Variants in ARV1 observed in about 807,000 individuals in gnomAD.
ARV1 encodes ARV1 fatty acid homeostasis modulator.
In ARV1, 26 loss-of-function variants were observed where a neutral mutation model predicts 31.1. The observed-to-expected ratio is 0.84, with a 90% CI of 0.61 to 1.16. The LOEUF (loss-of-function observed/expected upper bound fraction) is 1.16. Among genes scored for constraint, ARV1 ranks in the 50% most tolerant of loss-of-function variants. The pLI is 0.00. For synonymous variants in ARV1, 117 were observed against 123.2 expected, an observed-to-expected ratio of 0.95 and a Z score of 0.34; for missense variants, 281 against 324.9, an observed-to-expected ratio of 0.86 and a Z score of 1.04.
intron 1 of ARV1, among the ~76,000 whole-genome samples, chr1:230,980,975 A>G (rs1678896352): frequency 6.6e-6 from 1 of 151,958 alleles, no homozygotes; most frequent in Admixed American, 6.6e-5. Context: ...CACCACTTCC[A>G]CTTTGCTAAA....
chr1:230,979,393 C>G, intron 1 of ARV1, 114 bp downstream of exon 1: 1 of 1,220,056 alleles, frequency 8.2e-7, no homozygotes, highest in Non-Finnish European at 1.2e-6. Flanking sequence ...GACATTCCCG[C>G]CCGGGATCTT....
rs1222106991 is a variant in ARV1 at position 230,990,160 on chromosome 1, G to A, written c.345G>A (p.Arg115=). The change falls in exon 3 of 6, where the codon AGG becomes AGA. Residue 115 remains arginine, a synonymous_variant. Transcript: ENST00000310256. ...IFCLLCEAYL[R]WWQLQDSNQN... The stretch of plus-strand genomic sequence containing the variant: ...GTTTGCTTTGTGAAGCATACCTGAG[G>A]TGGTGGCAGCTTCAAGATTCCAACC... The A allele has an allele frequency of 6.2e-7, 1 of 1,613,098 alleles. No homozygotes were observed. Among genetic ancestry groups the A allele is most frequent in the East Asian group, 2.2e-5 (1 of 44,800 alleles).
At chr1:230,991,429 G>A (rs954082045) in intron 3 of ARV1, among the ~76,000 whole-genome samples, 1 of 151,958 alleles carries the variant, frequency 6.6e-6, no homozygotes, top group Non-Finnish European at 1.5e-5. Flanking sequence ...TCACCACTTG[G>A]ATATCTAATA....
intron 1 of ARV1, among the ~76,000 whole-genome samples, chr1:230,985,667 A>T (rs1248924671): frequency 6.6e-6 from 1 of 152,154 alleles, no homozygotes; most frequent in Non-Finnish European, 1.5e-5. Context: ...TATTTAAAGG[A>T]CAGAGAGAGG....
Position 230,979,117 on chromosome 1 carries a change from C to T in ARV1, c.12C>T (p.Gly4=), listed in dbSNP as rs1264763965. 1.3e-6 allele frequency: 2 copies of T among 1,589,980 alleles called. No individual in the cohort carries two copies. Among genetic ancestry groups the T allele is most frequent in the Admixed American group, 3.4e-5 (2 of 58,232 alleles). ...GCAGTTGAGTGGAAATGGGCAACGG[C>T]GGGCGGAGCGGCCTGCAGCAGGGGA... MGN[G]GRSGLQQGKG... Residue 4 remains glycine (G), a synonymous_variant, in exon 1 of 6, where the codon GGC becomes GGT. Transcript: ENST00000310256.
chr1:230,991,044 A>T (rs1558244477), intron 3 of ARV1, among the ~76,000 whole-genome samples: 1 of 152,124 alleles, frequency 6.6e-6, no homozygotes, highest in Non-Finnish European at 1.5e-5. Context: ...TACTTATCTG[A>T]GTGCATGCAG....
intron 2 of ARV1, 56 bp downstream of exon 2, chr1:230,988,495 GAAT>G (rs1225263473): frequency 5.9e-6 from 8 of 1,361,614 alleles, no homozygotes; most frequent in Admixed American, 4.9e-5. Context: ...CATTTTAAAA[GAAT>G]AATAAGAATT....
chr1:230,996,579 T>G (rs1679375546), intron 4 of ARV1, among the ~76,000 whole-genome samples: 1 of 152,162 alleles, frequency 6.6e-6, no homozygotes. Context: ...CCTGAAAAGC[T>G]GGCCACAGGT....
intron 3 of ARV1, among the ~76,000 whole-genome samples, chr1:230,995,368 C>A (rs1370021416): frequency 6.6e-6 from 1 of 152,166 alleles, no homozygotes; most frequent in African/African-American, 2.4e-5. Flanking sequence ...CCCATTCTTA[C>A]GATAGGTCCC....
intron 1 of ARV1, among the ~76,000 whole-genome samples, chr1:230,986,839 G>C (rs1488745730): frequency 1.3e-5 from 2 of 151,870 alleles, no homozygotes; most frequent in Non-Finnish European, 2.9e-5. Flanking sequence ...ACCTGGCCCT[G>C]CCTTTTCCAT....
rs552960841 is a variant in ARV1 at position 230,984,922 on chromosome 1, G to T, written c.175-3398G>T. On this transcript the variant is annotated intron_variant, in intron 1 of 5. Transcript: ENST00000310256. ...GGTGTTAGTACCTTATCAGTTAATT[G>T]GGCTTTTTTGAAATGCTGATTATCT... Among the ~76,000 whole-genome samples the T allele has an allele frequency of 5.3e-5, 8 of 152,242 alleles. No individual in the cohort carries two copies. In the East Asian group the frequency reaches 1.5e-3, roughly 29 times the overall value.
At chr1:230,984,077 C>G (rs945503858) in intron 1 of ARV1, among the ~76,000 whole-genome samples, 11 of 152,084 alleles carry the variant, frequency 7.2e-5, no homozygotes, top group Non-Finnish European at 1.2e-4. Context: ...CTGTCCCCCA[C>G]CCATCTATAC....
intron 4 of ARV1, among the ~76,000 whole-genome samples, chr1:230,996,362 G>A (rs1478438629): frequency 6.6e-6 from 1 of 152,068 alleles, no homozygotes; most frequent in Non-Finnish European, 1.5e-5. Flanking sequence ...CTCAATCCAG[G>A]ACAATTTCTA....
intron 2 of ARV1, among the ~76,000 whole-genome samples, chr1:230,989,137 T>C (rs1400573025): frequency 2.6e-5 from 4 of 152,106 alleles, no homozygotes; most frequent in African/African-American, 4.8e-5. Flanking sequence ...TCCTGTTATT[T>C]TATTTATTTA....
chr1:230,984,363 C>CGCGTGCGT (rs1191353620), intron 1 of ARV1, among the ~76,000 whole-genome samples: 1,859 of 129,830 alleles, frequency 0.014, 36 homozygotes, highest in Middle Eastern at 0.035. Context: ...TGTGTGTGTG[C>CGCGTGCGT]GTGTGTGTGT....
intron 1 of ARV1, 184 bp downstream of exon 1, chr1:230,979,463 G>A (rs1678761607): frequency 1.5e-6 from 1 of 660,392 alleles, no homozygotes. Context: ...TCTCATACTG[G>A]GGCATATTTG....
At chr1:230,991,327 T>C (rs1679221408) in intron 3 of ARV1, among the ~76,000 whole-genome samples, 1 of 152,218 alleles carries the variant, frequency 6.6e-6, no homozygotes, top group Admixed American at 6.5e-5. Flanking sequence ...CTCGCTCTCT[T>C]GGTCATGTAA....
At chr1:230,989,166 T>G (rs1679163698) in intron 2 of ARV1, among the ~76,000 whole-genome samples, 1 of 152,130 alleles carries the variant, frequency 6.6e-6, no homozygotes, top group Non-Finnish European at 1.5e-5. Context: ...TGAGACGGAG[T>G]CTTGCTCTGT....
chr1:230,991,127 T>A (rs1352810966), intron 3 of ARV1, among the ~76,000 whole-genome samples: 1 of 152,202 alleles, frequency 6.6e-6, no homozygotes, highest in Non-Finnish European at 1.5e-5. Flanking sequence ...TAAGTTATTG[T>A]TTTCCTAGTG....
Sources: allele counts gnomAD v4.1 joint callset (sites outside exome capture counted in the v4.1 genomes callset), GRCh38; gene constraint gnomAD v4.1.1; transcripts MANE v1.5; gene names NCBI Gene and HGNC (gene_info 2026-07-23, HGNC 2026-07-21).